Variants in CCDC171 observed in about 807,000 individuals in gnomAD.
CCDC171 encodes the protein coiled-coil domain containing 171, also known as coiled-coil domain-containing protein 171.
CCDC171 carries 177 observed loss-of-function variants against 168.2 expected under a neutral mutation model. That is an observed-to-expected ratio of 1.05 (90% CI 0.93 to 1.19). The LOEUF is 1.19. CCDC171 is among the 50% of genes most tolerant of loss of function. The probability of loss-of-function intolerance (pLI) is 0.00; values close to 1 mark genes in which losing one functional copy is unlikely to be tolerated. For synonymous variants in CCDC171, 687 were observed against 540.8 expected, an observed-to-expected ratio of 1.27 and a Z score of -3.75; for missense variants, 1,991 against 1,539.0, an observed-to-expected ratio of 1.29 and a Z score of -4.91.
At chr9:15,923,264 A>AATGG (rs1195425509) in intron 25 of CCDC171, among the ~76,000 whole-genome samples, 7 of 151,382 alleles carry the variant, frequency 4.6e-5, no homozygotes, top group Non-Finnish European at 8.9e-5. Context: ...AGTGTCCATC[A>AATGG]ATGGATGGAT....
the CCDC171 span, among the ~76,000 whole-genome samples, chr9:16,086,792 T>G: frequency 6.6e-6 from 1 of 152,204 alleles, no homozygotes; most frequent in Admixed American, 6.5e-5. Context: ...CTAGTTCATT[T>G]AATTGTGATG....
chr9:15,852,907 G>T (rs1005096243), intron 23 of CCDC171, among the ~76,000 whole-genome samples: 10 of 151,664 alleles, frequency 6.6e-5, no homozygotes, highest in Admixed American at 1.3e-4. Flanking sequence ...AGATGTATAG[G>T]TTTATTTCTG....
Position 15,745,566 on chromosome 9 carries a change from G to A in CCDC171, c.2606G>A (p.Ser869Asn). 2 of 1,591,596 alleles carry A rather than the reference G, an allele frequency of 1.3e-6. No individual in the cohort carries two copies. Among genetic ancestry groups the A allele is most frequent in the Non-Finnish European group, 1.7e-6 (2 of 1,170,796 alleles). Residue 869 changes from serine (S) to asparagine (N), a missense_variant, in exon 18 of 26, where the codon AGT (serine) becomes AAT (asparagine). Ser to Asn is a conservative substitution (Grantham distance 46). Transcript: ENST00000380701. ...RCLQALSWLTSSDLLAAIISS... is the reference protein window; with the variant it reads ...RCLQALSWLTNSDLLAAIISS... Reference sequence around the variant, plus strand: ...TTACAAGCGCTCAGTTGGCTCACCAGTTCTGACCTTCTTGCTGCAATAATC... The same window carrying A: ...TTACAAGCGCTCAGTTGGCTCACCAATTCTGACCTTCTTGCTGCAATAATC...
chr9:16,088,259 C>A, the CCDC171 span, among the ~76,000 whole-genome samples: 4 of 152,170 alleles, frequency 2.6e-5, no homozygotes, highest in Non-Finnish European at 5.9e-5. Flanking sequence ...CACCCACAGC[C>A]AATATCATAC....
chr9:15,812,455 C>G (rs558206438), intron 21 of CCDC171, among the ~76,000 whole-genome samples: 4 of 152,224 alleles, frequency 2.6e-5, no homozygotes, highest in East Asian at 1.9e-4. Flanking sequence ...CTAAAAACCC[C>G]ACAAGTCTGG....
intron 24 of CCDC171, among the ~76,000 whole-genome samples, chr9:15,911,656 C>T (rs764750414): frequency 6.6e-6 from 1 of 152,160 alleles, no homozygotes; most frequent in Non-Finnish European, 1.5e-5. Flanking sequence ...CCTAGGTTCT[C>T]TTGTTGGATT....
intron 10 of CCDC171, among the ~76,000 whole-genome samples, chr9:15,691,698 G>C (rs577762981): frequency 1.3e-5 from 2 of 151,540 alleles, no homozygotes; most frequent in African/African-American, 4.9e-5. Flanking sequence ...TTATTTTTGA[G>C]GCAAGGTCTT....
At chr9:15,720,083 C>G (rs1484683728) in intron 11 of CCDC171, among the ~76,000 whole-genome samples, 1 of 151,852 alleles carries the variant, frequency 6.6e-6, no homozygotes, top group Non-Finnish European at 1.5e-5. Context: ...TTAAATGTTC[C>G]TCTTCTGTTA....
chr9:15,637,067 C>A (rs1322678972), intron 7 of CCDC171, among the ~76,000 whole-genome samples: 2 of 151,932 alleles, frequency 1.3e-5, no homozygotes, highest in East Asian at 3.9e-4. Context: ...ACCAGCCTGG[C>A]CAACATGGTG....
intron 7 of CCDC171, among the ~76,000 whole-genome samples, chr9:15,642,771 A>G (rs948768111): frequency 2.4e-4 from 36 of 152,146 alleles, no homozygotes; most frequent in African/African-American, 7.7e-4. Context: ...AAATAAAGAC[A>G]TGATCTCCAG....
At chr9:16,025,164 G>A (rs1041273291) in intron 6 of CCDC171, among the ~76,000 whole-genome samples, 2 of 152,186 alleles carry the variant, frequency 1.3e-5, no homozygotes, top group African/African-American at 2.4e-5. Flanking sequence ...AACAGGGGCT[G>A]GGCATGGTGG....
chr9:16,021,332 T>G (rs1833157564), intron 4 of CCDC171, among the ~76,000 whole-genome samples: 1 of 152,206 alleles, frequency 6.6e-6, no homozygotes, highest in Admixed American at 6.5e-5. Flanking sequence ...GTGATCCACC[T>G]ACCTTGGCCT....
At chr9:15,592,510 A>T (rs1362490710) in intron 5 of CCDC171, among the ~76,000 whole-genome samples, 1 of 152,174 alleles carries the variant, frequency 6.6e-6, no homozygotes, top group African/African-American at 2.4e-5. Context: ...TCATTCCCAG[A>T]TGTTGTCATT....
intron 21 of CCDC171, among the ~76,000 whole-genome samples, chr9:15,795,251 C>A (rs1024362069): frequency 3.3e-5 from 5 of 152,062 alleles, no homozygotes; most frequent in African/African-American, 1.2e-4. Flanking sequence ...ATAAGAAACC[C>A]TATTTCATCG....
intron 1 of CCDC171, among the ~76,000 whole-genome samples, chr9:16,060,274 G>C (rs972780931): frequency 3.9e-5 from 6 of 152,204 alleles, no homozygotes; most frequent in African/African-American, 1.4e-4. Flanking sequence ...CCGATGCTGA[G>C]ACTGTGAGAG....
At chr9:15,890,597 T>C (rs1820085636) in intron 24 of CCDC171, among the ~76,000 whole-genome samples, 1 of 151,178 alleles carries the variant, frequency 6.6e-6, no homozygotes, top group Non-Finnish European at 1.5e-5. Context: ...TAGGAGAATT[T>C]CATGGCACTC....
At chr9:16,016,370 A>G (rs910499434) in intron 3 of CCDC171, among the ~76,000 whole-genome samples, 2 of 152,088 alleles carry the variant, frequency 1.3e-5, no homozygotes, top group Admixed American at 6.6e-5. Context: ...AGTCTTCTTG[A>G]TTTCCCACAT....
At chr9:15,827,639 G>T (rs1027734260) in intron 21 of CCDC171, among the ~76,000 whole-genome samples, 2 of 152,108 alleles carry the variant, frequency 1.3e-5, no homozygotes, top group Non-Finnish European at 2.9e-5. Context: ...ATTATTAAAA[G>T]TTTCCATGTA....
At chr9:15,756,011 T>C (rs893372073) in intron 18 of CCDC171, among the ~76,000 whole-genome samples, 1 of 152,212 alleles carries the variant, frequency 6.6e-6, no homozygotes, top group Admixed American at 6.5e-5. Flanking sequence ...GCTGAATATA[T>C]TCCTTTATGT....
Sources: allele counts gnomAD v4.1 joint callset (sites outside exome capture counted in the v4.1 genomes callset), GRCh38; gene constraint gnomAD v4.1.1; transcripts MANE v1.5; gene names NCBI Gene and HGNC (gene_info 2026-07-23, HGNC 2026-07-21).